Variants in SPRR2G observed in about 807,000 individuals in gnomAD.
SPRR2G encodes small proline-rich protein 2G.
A neutral mutation model predicts 0.7 loss-of-function variants in SPRR2G; 1 was observed. That is an observed-to-expected ratio of 1.49 (90% CI 0.53 to 7.06). The LOEUF (loss-of-function observed/expected upper bound fraction) is 7.06, where lower values mean the gene tolerates loss of function less well. SPRR2G is among the 30% of genes most tolerant of loss of function. The pLI is 0.14. For missense variants in SPRR2G, 96 were observed against 88.5 expected (o/e 1.09, Z -0.34); for synonymous variants, 38 against 33.9 (o/e 1.12, Z -0.42).
At chr1:153,197,829 A>G in the SPRR2G span, among the ~76,000 whole-genome samples, 7,728 of 152,266 alleles carry the variant, frequency 0.051, 422 homozygotes, top group East Asian at 0.18. Context: ...GGGATACTCC[A>G]GTTAGAGAGA....
At chr1:153,168,046 T>C in the SPRR2G span, among the ~76,000 whole-genome samples, 92 of 152,312 alleles carry the variant, frequency 6.0e-4, no homozygotes, top group African/African-American at 2.0e-3. Context: ...GTGCTCTGAG[T>C]AGTGTCTCCA....
chr1:153,154,940 A>G (rs2101650019), upstream of SPRR2G, among the ~76,000 whole-genome samples: 1 of 152,210 alleles, frequency 6.6e-6, no homozygotes, highest in Non-Finnish European at 1.5e-5. Flanking sequence ...TCTCTGCTAC[A>G]TGTCACAGTG....
At chr1:153,168,242 C>T in the SPRR2G span, among the ~76,000 whole-genome samples, 19 of 152,196 alleles carry the variant, frequency 1.2e-4, no homozygotes, top group African/African-American at 4.3e-4. Flanking sequence ...AGGCTCAATG[C>T]AATGCCCATA....
the SPRR2G span, among the ~76,000 whole-genome samples, chr1:153,162,907 T>C: frequency 6.6e-6 from 1 of 152,188 alleles, no homozygotes; most frequent in Non-Finnish European, 1.5e-5. Context: ...GGTACATAAT[T>C]TGGGTCAAAG....
At chr1:153,185,036 T>G in the SPRR2G span, among the ~76,000 whole-genome samples, 4 of 152,258 alleles carry the variant, frequency 2.6e-5, no homozygotes, top group Non-Finnish European at 5.9e-5. Flanking sequence ...GAACTGCCCT[T>G]GCATCCCAGG....
chr1:153,157,230 T>G, the SPRR2G span, among the ~76,000 whole-genome samples: 5 of 152,208 alleles, frequency 3.3e-5, no homozygotes, highest in African/African-American at 1.2e-4. Flanking sequence ...TTGGATTACA[T>G]GTAGAATAAT....
chr1:153,197,645 G>A, the SPRR2G span, among the ~76,000 whole-genome samples: 5 of 152,154 alleles, frequency 3.3e-5, no homozygotes, highest in African/African-American at 9.7e-5. Context: ...AGACAGCATT[G>A]CCCCCCGGCA....
At chr1:153,183,871 T>C in the SPRR2G span, among the ~76,000 whole-genome samples, 1 of 152,240 alleles carries the variant, frequency 6.6e-6, no homozygotes, top group Non-Finnish European at 1.5e-5. Flanking sequence ...TTTAAGTCTT[T>C]AATCCATCTT....
At chr1:153,183,894 G>A in the SPRR2G span, among the ~76,000 whole-genome samples, 1 of 152,182 alleles carries the variant, frequency 6.6e-6, no homozygotes, top group South Asian at 2.1e-4. Flanking sequence ...GTTAATTTTT[G>A]TATAAGGTGT....
the SPRR2G span, among the ~76,000 whole-genome samples, chr1:153,187,901 T>G: frequency 1.3e-5 from 2 of 152,128 alleles, no homozygotes. Flanking sequence ...GGGTGTCCTT[T>G]TTGTTGATGT....
chr1:153,186,096 C>G, the SPRR2G span, among the ~76,000 whole-genome samples: 3 of 151,896 alleles, frequency 2.0e-5, no homozygotes, highest in Non-Finnish European at 4.4e-5. Context: ...TTATAATTTC[C>G]ATTCTTTTGC....
At chr1:153,199,010 G>T in the SPRR2G span, among the ~76,000 whole-genome samples, 1 of 152,136 alleles carries the variant, frequency 6.6e-6, no homozygotes, top group Admixed American at 6.5e-5. Flanking sequence ...TTAAAATATA[G>T]GACACAACTG....
the SPRR2G span, among the ~76,000 whole-genome samples, chr1:153,159,645 T>C: frequency 6.6e-6 from 1 of 152,160 alleles, no homozygotes; most frequent in Non-Finnish European, 1.5e-5. Context: ...TACCTGAAAC[T>C]GGGTAAAAAG....
chr1:153,184,800 C>T, the SPRR2G span, among the ~76,000 whole-genome samples: 1 of 152,072 alleles, frequency 6.6e-6, no homozygotes, highest in Admixed American at 6.5e-5. Context: ...AAAGGTAATC[C>T]TTCCAGTTTT....
At chr1:153,198,260 C>T in the SPRR2G span, among the ~76,000 whole-genome samples, 1 of 152,148 alleles carries the variant, frequency 6.6e-6, no homozygotes, top group South Asian at 2.1e-4. Flanking sequence ...AGTAGAAGAC[C>T]GAGCTGAAAG....
At chr1:153,192,657 G>A in the SPRR2G span, among the ~76,000 whole-genome samples, 1 of 152,106 alleles carries the variant, frequency 6.6e-6, no homozygotes, top group African/African-American at 2.4e-5. Flanking sequence ...AGAGCTTCTG[G>A]TTCTTGTTCT....
chr1:153,192,317 C>T, the SPRR2G span, among the ~76,000 whole-genome samples: 1 of 152,172 alleles, frequency 6.6e-6, no homozygotes, highest in Admixed American at 6.5e-5. Context: ...GGGAGCTAAT[C>T]ATATTCAGTG....
the SPRR2G span, among the ~76,000 whole-genome samples, chr1:153,170,464 A>G: frequency 0.068 from 10,416 of 152,258 alleles, 581 homozygotes; most frequent in African/African-American, 0.16. Flanking sequence ...CAAGGACACA[A>G]AAACAGCGTA....
the SPRR2G span, among the ~76,000 whole-genome samples, chr1:153,183,426 T>C: frequency 2.6e-5 from 4 of 152,032 alleles, no homozygotes; most frequent in Non-Finnish European, 5.9e-5. Flanking sequence ...TGGAGTGAGA[T>C]GGTATCTCAT....
Sources: gnomAD v4.1 joint callset for allele counts (sites outside exome capture counted in the v4.1 genomes callset) on GRCh38, gnomAD v4.1.1 for gene constraint, MANE v1.5 for transcripts, NCBI Gene and HGNC (gene_info 2026-07-23, HGNC 2026-07-21) for gene names.